ATXN7L3: variants seen among roughly 807,000 people sequenced by gnomAD.
ATXN7L3 encodes ataxin-7-like protein 3.
ATXN7L3 carries 6 observed loss-of-function variants against 50.0 expected under a neutral mutation model. That is an observed-to-expected ratio of 0.12 (90% CI 0.07 to 0.24). The LOEUF is 0.24. ATXN7L3 is among the 10% of genes least tolerant of loss of function. ATXN7L3 has a pLI of 1.00. For synonymous variants in ATXN7L3, 198 were observed against 165.8 expected (o/e 1.19, Z -1.49); for missense variants, 322 against 451.3 (o/e 0.71, Z 2.60).
At chr17:44,198,381 C>G in intron 1 of ATXN7L3, 1 of 366,064 alleles carries the variant, frequency 2.7e-6, no homozygotes, top group Non-Finnish European at 4.9e-6. Flanking sequence ...GAGGCAGCAG[C>G]TCACCCTAGG....
chr17:44,195,521 G>A (rs767822295), intron 8 of ATXN7L3, 34 bp from the exon 9 acceptor site: 4 of 1,590,142 alleles, frequency 2.5e-6, no homozygotes, highest in Non-Finnish European at 3.5e-6. Flanking sequence ...GTTAGAGATG[G>A]GGCAGAGAAA....
In ATXN7L3 at chr17:44,194,391, G is replaced by A. The variant is rs781025306; in HGVS notation, c.916C>T (p.Arg306Trp). The change falls in exon 13 of 13, where the codon CGG becomes TGG. Residue 306 changes from arginine to tryptophan, a missense_variant. Transcript: ENST00000587097. The part of the protein sequence containing the change: ...WGLGTNSSES[R>W]KTKKKKSHLS... The stretch of plus-strand genomic sequence containing the variant: ...TGGGATTTCTTTTTCTTGGTTTTCC[G>A]TGACTCAGAGCTGTTGGTACCTGTA... 5 of 1,614,058 alleles carry A rather than the reference G, an allele frequency of 3.1e-6. No homozygotes were observed. The highest frequency in any genetic ancestry group is 2.7e-5 in the African/African-American group (2 of 74,924).
chr17:44,195,213 T>TA lies in ATXN7L3; in HGVS notation c.622-74dup. 1.4e-5 allele frequency: 21 copies of TA among 1,530,058 alleles called. No individual in the cohort carries two copies. In the South Asian group the frequency reaches 2.1e-4, roughly 16 times the overall value. The allele number at this position is 1,530,058 out of a possible 1,614,324, so 94.8% of individuals were successfully genotyped here. ...TAGATGTTAGATGTTTCTTTCTGTA[T>TA]AAATGCTAGATAGCACAAGCAGAGA... On this transcript the variant is annotated intron_variant, in intron 9 of 12. Transcript: ENST00000587097.
rs1459405234 is a variant in ATXN7L3, at chr17:44,199,674, C to G, written c.-239G>C. 1 of 141,020 alleles carries G rather than the reference C, an allele frequency of 7.1e-6. No homozygotes were observed. Among genetic ancestry groups the G allele is most frequent in the African/African-American group, 2.6e-5 (1 of 38,660 alleles). 8.7% of individuals were successfully genotyped at this position (141,020 alleles called of 1,614,324 possible). A position where few individuals can be genotyped will look rare whatever the true frequency, so the allele number is the denominator to read the frequency against. On this transcript the variant is annotated 5_prime_UTR_variant, in exon 1 of 13. Transcript: ENST00000587097. The stretch of plus-strand genomic sequence containing the variant: ...CCCCCCGCCTGGCCGCCTCACCGGG[C>G]GGCCATGGCCCCTTCCCCTCCCTTC...
At chr17:44,198,165 C>T in intron 1 of ATXN7L3, 35 bp from the exon 2 acceptor site, 1 of 1,255,516 alleles carries the variant, frequency 8.0e-7, no homozygotes, top group East Asian at 2.3e-5. Context: ...TGTTGTGAGT[C>T]CAAGGCACCT....
chr17:44,192,723 C>T lies in ATXN7L3; in HGVS notation c.*1540G>A, dbSNP rs1281385696. ...AGGCATGAGCCACAATCAGAACCAC[C>T]CCAGCGGGAGAGCGGAGTTCCAGAC... On this transcript the variant is annotated 3_prime_UTR_variant, in exon 13 of 13. Coordinates refer to ENST00000587097, the MANE Select transcript of ATXN7L3 (RefSeq NM_001382309.1). The T allele has an allele frequency of 1.3e-5, 2 of 152,214 alleles. No homozygotes were observed. Among genetic ancestry groups the T allele is most frequent in the Admixed American group, 6.6e-5 (1 of 15,266 alleles). 9.4% of individuals were successfully genotyped at this position (152,214 alleles called of 1,614,324 possible).
chr17:44,196,226 T>TCCCCCCCCCCCCCTGCCCCCC, intron 6 of ATXN7L3, 147 bp from the exon 7 acceptor site: 1 of 737,702 alleles, frequency 1.4e-6, no homozygotes, highest in Non-Finnish European at 2.1e-6. Context: ...CCATGTGCCC[T>TCCCCCCCCCCCCCTGCCCCCC]CCCCCACCCC....
Position 44,197,398 on chromosome 17 carries a change from C to A in ATXN7L3, c.186G>T (p.Glu62Asp). 1 of 1,593,796 alleles carries A rather than the reference C, an allele frequency of 6.3e-7. No individual in the cohort carries two copies. Among genetic ancestry groups the A allele is most frequent in the South Asian group, 1.1e-5 (1 of 88,582 alleles). ...TGTCCAAGCCCGGCTGGTCCACGAT[C>A]TCTGGGGACAGGAGAGGCTGGCGAT... ...DTDPDSMKDF[E>D]IVDQPGLDIF... The change falls in exon 4 of 13, where the codon GAG becomes GAT. Residue 62 changes from glutamate (E) to aspartate (D), a missense_variant and splice_region_variant. By Grantham distance (45) the Glu-to-Asp change is conservative. Coordinates refer to ENST00000587097, the MANE Select transcript of ATXN7L3 (RefSeq NM_001382309.1).
intron 3 of ATXN7L3, 80 bp from the exon 4 acceptor site, chr17:44,197,479 A>T: frequency 6.3e-7 from 1 of 1,577,658 alleles, no homozygotes; most frequent in South Asian, 1.2e-5. Flanking sequence ...CGGCCTCTTC[A>T]ATCCCTCCCC....
Position 44,194,010 on chromosome 17 carries a change from A to G in ATXN7L3, c.*253T>C. The stretch of plus-strand genomic sequence containing the variant: ...AGTAACTCACAGAATAAATAGGAAA[A>G]CCGCCTCCCCACCAAACTTATGTCC... On this transcript the variant is annotated 3_prime_UTR_variant, in exon 13 of 13. Coordinates refer to ENST00000587097, the MANE Select transcript of ATXN7L3 (RefSeq NM_001382309.1). 1 of 491,422 alleles carries G rather than the reference A, an allele frequency of 2.0e-6. No homozygotes were observed. The highest frequency in any genetic ancestry group is 2.7e-5 in the South Asian group (1 of 36,916). 30.4% of individuals were successfully genotyped at this position (491,422 alleles called of 1,614,324 possible).
At chr17:44,196,507 C>A in intron 5 of ATXN7L3, 89 bp from the exon 6 acceptor site, 2 of 1,559,744 alleles carry the variant, frequency 1.3e-6, no homozygotes, top group South Asian at 2.2e-5. Context: ...AGGCTGGGCA[C>A]GGTGGCTCAT....
rs2055737363 is a variant in ATXN7L3, at chr17:44,192,704, G to A, written c.*1559C>T. ...TAAAAACCAATTTGCAACCAGGCAT[G>A]AGCCACAATCAGAACCACCCCAGCG... On this transcript the variant is annotated 3_prime_UTR_variant, in exon 13 of 13. Coordinates refer to ENST00000587097, the MANE Select transcript of ATXN7L3 (RefSeq NM_001382309.1). The A allele has an allele frequency of 6.6e-6, 1 of 152,350 alleles. No homozygotes were observed. Among genetic ancestry groups the A allele is most frequent in the Admixed American group, 6.5e-5 (1 of 15,302 alleles). The allele number at this position is 152,350 out of a possible 1,614,324, so 9.4% of individuals were successfully genotyped here.
At position 44,199,771 on chromosome 17, in the gene ATXN7L3, CT is replaced by C. The variant is rs1396623606; in HGVS notation, c.-337del. 6.8e-6 allele frequency: 1 copy of C among 146,264 alleles called. No individual in the cohort carries two copies. The highest frequency in any genetic ancestry group is 1.5e-5 in the Non-Finnish European group (1 of 65,622). 9.1% of individuals were successfully genotyped at this position (146,264 alleles called of 1,614,324 possible). A position where few individuals can be genotyped will look rare whatever the true frequency, so the allele number is the denominator to read the frequency against. ...CAGTCCGCGCGCCGTCCGCGCGCCC[CT>C]CCCCCCGCCCCCCACTCCAGCCCGC... On this transcript the variant is annotated 5_prime_UTR_variant, in exon 1 of 13. Coordinates refer to ENST00000587097, the MANE Select transcript of ATXN7L3 (RefSeq NM_001382309.1).
At chr17:44,194,989 AAGGGGAAGGGC>A (rs2055831250) in intron 10 of ATXN7L3, 97 bp downstream of exon 10, 1 of 1,483,684 alleles carries the variant, frequency 6.7e-7, no homozygotes, top group African/African-American at 1.4e-5. Context: ...TAGAGGAGGG[AAGGGGAAGGGC>A]AGGAGCCCCA....
intron 8 of ATXN7L3, 78 bp from the exon 9 acceptor site, chr17:44,195,565 C>T (rs2055855195): frequency 4.9e-6 from 7 of 1,442,808 alleles, no homozygotes; most frequent in African/African-American, 1.4e-5. Flanking sequence ...AGAATCAGTC[C>T]CTCTGGTCCC....
rs777106656 is a variant in ATXN7L3 at position 44,194,563 on chromosome 17, A to G, written c.849T>C (p.Ser283=). Residue 283 remains serine (S), a synonymous_variant, in exon 12 of 13, where the codon TCT becomes TCC. Transcript: ENST00000587097. ...CACTCGTCTTGGAGGAGCCTGAATC[A>G]GAGGGTGAGAGGTCAGAGGAGCCGT... is the stretch of plus-strand genomic sequence containing the variant. ...QWDGSSDLSP[S]DSGSSKTSEN... The G allele has an allele frequency of 1.9e-6, 3 of 1,613,796 alleles. No homozygotes were observed. In the East Asian group the frequency reaches 6.7e-5, roughly 36 times the overall value.
chr17:44,199,303 G>C lies in ATXN7L3; in HGVS notation c.-61+193C>G, dbSNP rs1053530044. 2 of 151,198 alleles carry C rather than the reference G, an allele frequency of 1.3e-5. 1 individual carries two copies. The highest frequency in any genetic ancestry group is 6.9e-3 in the Middle Eastern group (2 of 290). 9.4% of individuals were successfully genotyped at this position (151,198 alleles called of 1,614,324 possible). A position where few individuals can be genotyped will look rare whatever the true frequency, so the allele number is the denominator to read the frequency against. On this transcript the variant is annotated intron_variant, in intron 1 of 12. Transcript: ENST00000587097. The stretch of plus-strand genomic sequence containing the variant: ...TGCCCCGCCCAAGGGGGACCCAGAC[G>C]GGGGAGAGCCAGGGGCCCCGGCCCG...
chr17:44,199,250 GGCCCCGCGCCCCCTCCCCGGCCGGCCCT>G (rs2056049324), intron 1 of ATXN7L3: 1 of 151,590 alleles, frequency 6.6e-6, no homozygotes, highest in Non-Finnish European at 1.5e-5. Flanking sequence ...CCCTAACAAA[GGCCCCGCGCCCCCTCCCCGGCCGGCCCT>G]GCCCCGCCCA....
intron 9 of ATXN7L3, 37 bp from the exon 10 acceptor site, chr17:44,195,177 G>C: frequency 6.3e-7 from 1 of 1,596,704 alleles, no homozygotes; most frequent in Non-Finnish European, 8.6e-7. Flanking sequence ...AGGGATGGAA[G>C]GAACCTACTC....
Sources: allele counts gnomAD v4.1 joint callset, GRCh38; gene constraint gnomAD v4.1.1; transcripts MANE v1.5; gene names NCBI Gene and HGNC (gene_info 2026-07-23, HGNC 2026-07-21).